The following ME1 variants were observed in gnomAD, a reference collection of about 807,000 sequenced individuals.
ME1 encodes malic enzyme 1, also known as NADP-dependent malic enzyme.
Under a neutral mutation model 66.4 loss-of-function variants are expected in ME1, and 74 were observed. The ratio of observed to expected loss-of-function variants is 1.11; its 90% CI spans 0.92 to 1.35. The LOEUF (loss-of-function observed/expected upper bound fraction) is 1.35, where lower values mean the gene tolerates loss of function less well. Ranked by LOEUF, ME1 falls within the 40% of genes most tolerant of loss-of-function variation. ME1 has a pLI of 0.00. For synonymous variants in ME1, 251 were observed against 235.6 expected (o/e 1.07, Z -0.60); for missense variants, 750 against 694.1 (o/e 1.08, Z -0.90).
chr6:83,417,370 T>TTGTTG (rs1770182044), intron 1 of ME1, among the ~76,000 whole-genome samples: 4 of 149,768 alleles, frequency 2.7e-5, no homozygotes, highest in African/African-American at 9.9e-5. Context: ...TTTGTTGTTT[T>TTGTTG]TTGTTGTTGT....
At chr6:83,273,312 A>G (rs937119212) in intron 6 of ME1, among the ~76,000 whole-genome samples, 2 of 152,186 alleles carry the variant, frequency 1.3e-5, no homozygotes, top group African/African-American at 4.8e-5. Context: ...CTTTTGTAAA[A>G]CAATAAAGAT....
chr6:83,283,248 A>AAAAAG (rs70987744), intron 6 of ME1, among the ~76,000 whole-genome samples: 4 of 139,666 alleles, frequency 2.9e-5, no homozygotes, highest in African/African-American at 8.5e-5. Context: ...AAAAAAAAAA[A>AAAAAG]TGATGAGTTC....
chr6:83,359,480 T>TA (rs1768964151), intron 3 of ME1, among the ~76,000 whole-genome samples: 1 of 151,718 alleles, frequency 6.6e-6, no homozygotes, highest in South Asian at 2.1e-4. Context: ...GCTGAATTTA[T>TA]TGATTTGGGG....
intron 7 of ME1, among the ~76,000 whole-genome samples, chr6:83,242,054 C>A (rs563608204): frequency 2.0e-5 from 3 of 151,934 alleles, no homozygotes; most frequent in Admixed American, 6.6e-5. Flanking sequence ...GTAGAGACAG[C>A]GTTTTGCCAT....
rs1172321134 is a variant in ME1 at position 83,291,599 on chromosome 6, C to T, written c.704+23711G>A. On this transcript the variant is annotated intron_variant, in intron 6 of 13. Coordinates refer to ENST00000369705, the MANE Select transcript of ME1 (RefSeq NM_002395.6). ...TGGTGAATCTGATAATTATGTGTCT[C>T]GGGTTGCTCTTCTTGAGGAGTATCT... 6.6e-5 allele frequency among the ~76,000 whole-genome samples: 10 copies of T among 152,048 alleles called. No individual in the cohort carries two copies. The South Asian group carries it at 1.5e-3, about 22-fold the overall frequency.
intron 6 of ME1, among the ~76,000 whole-genome samples, chr6:83,309,744 A>AAAGTTTC (rs1767896415): frequency 6.6e-6 from 1 of 152,128 alleles, no homozygotes. Context: ...AGCAAAAAGA[A>AAAGTTTC]AAGTTTCAAG....
intron 7 of ME1, among the ~76,000 whole-genome samples, chr6:83,247,806 G>A (rs944558263): frequency 7.9e-5 from 12 of 152,124 alleles, no homozygotes; most frequent in Admixed American, 2.6e-4. Context: ...CCAATAACTT[G>A]CCAAAGGTTT....
At chr6:83,373,818 T>C (rs1422839126) in intron 3 of ME1, among the ~76,000 whole-genome samples, 2 of 152,146 alleles carry the variant, frequency 1.3e-5, no homozygotes, top group African/African-American at 4.8e-5. Flanking sequence ...GTCCATGTGT[T>C]CTCATTGTTC....
intron 6 of ME1, among the ~76,000 whole-genome samples, chr6:83,296,322 C>A (rs1322590953): frequency 6.6e-6 from 1 of 152,140 alleles, no homozygotes. Flanking sequence ...TACTCCACTA[C>A]GATCAAGTAG....
At chr6:83,374,730 T>C (rs1041200296) in intron 3 of ME1, among the ~76,000 whole-genome samples, 1 of 152,196 alleles carries the variant, frequency 6.6e-6, no homozygotes, top group African/African-American at 2.4e-5. Context: ...TGGTTTTTGG[T>C]TTTACATTTA....
At chr6:83,357,197 G>A (rs1224206862) in intron 3 of ME1, among the ~76,000 whole-genome samples, 1 of 152,062 alleles carries the variant, frequency 6.6e-6, no homozygotes, top group East Asian at 1.9e-4. Context: ...CACCATTGCC[G>A]ACCGGTCCTA....
At chr6:83,397,729 A>G (rs879879187) in intron 3 of ME1, among the ~76,000 whole-genome samples, 1 of 152,346 alleles carries the variant, frequency 6.6e-6, no homozygotes. Flanking sequence ...GATCAAGGTA[A>G]GAGTCCATTA....
At chr6:83,397,142 A>G (rs1769748679) in intron 3 of ME1, among the ~76,000 whole-genome samples, 1 of 152,220 alleles carries the variant, frequency 6.6e-6, no homozygotes, top group Admixed American at 6.5e-5. Flanking sequence ...TGGAATTATA[A>G]TAAACTAAAA....
At chr6:83,313,395 T>TAA (rs201151588) in intron 6 of ME1, among the ~76,000 whole-genome samples, 1 of 148,710 alleles carries the variant, frequency 6.7e-6, no homozygotes, top group Non-Finnish European at 1.5e-5. Flanking sequence ...ATTCCACATT[T>TAA]AAAAAAAAAA....
At chr6:83,304,994 C>A (rs899590809) in intron 6 of ME1, among the ~76,000 whole-genome samples, 2 of 152,144 alleles carry the variant, frequency 1.3e-5, no homozygotes, top group Admixed American at 6.5e-5. Flanking sequence ...GGACCTGAGA[C>A]AATCGGGTAT....
intron 7 of ME1, among the ~76,000 whole-genome samples, chr6:83,252,234 T>C (rs1034320518): frequency 2.0e-5 from 3 of 152,038 alleles, no homozygotes; most frequent in Admixed American, 2.0e-4. Flanking sequence ...GGAGATAACT[T>C]TGAGATATCC....
rs1370792358 is a variant in ME1, at chr6:83,213,917, AT to A, written c.1549-1824del. 9.5e-4 allele frequency among the ~76,000 whole-genome samples: 145 copies of A among 152,346 alleles called. 1 individual carries two copies. Among genetic ancestry groups the A allele is most frequent in the African/African-American group, 3.4e-3 (142 of 41,576 alleles). On this transcript the variant is annotated intron_variant, in intron 13 of 13. Transcript: ENST00000369705. The stretch of plus-strand genomic sequence containing the variant: ...ACTCAAAACAAACACAGGAAAAAAA[AT>A]AATACTTATATTAGAAAAATAGGAT...
At chr6:83,317,305 G>C (rs1219588138) in intron 5 of ME1, among the ~76,000 whole-genome samples, 1 of 152,142 alleles carries the variant, frequency 6.6e-6, no homozygotes, top group Non-Finnish European at 1.5e-5. Flanking sequence ...AAAAGGAACT[G>C]GTCTTCCATT....
chr6:83,375,841 A>G lies in ME1; in HGVS notation c.362+22526T>C, dbSNP rs140655307. On this transcript the variant is annotated intron_variant, in intron 3 of 13. Coordinates refer to ENST00000369705, the MANE Select transcript of ME1 (RefSeq NM_002395.6). ...TTTATCAAAGGCCTTTTCTGCATCT[A>G]TTGAAATAATCATGTGGTTTTTGTC... Among the ~76,000 whole-genome samples the G allele has an allele frequency of 4.2e-3, 646 of 152,336 alleles. 17 individuals are homozygous for G. In the South Asian group the frequency reaches 0.045, roughly 11 times the overall value.
Sources: allele counts gnomAD v4.1 joint callset (sites outside exome capture counted in the v4.1 genomes callset), GRCh38; gene constraint gnomAD v4.1.1; transcripts MANE v1.5; gene names NCBI Gene and HGNC (gene_info 2026-07-23, HGNC 2026-07-21).